OPHN1: variants seen among roughly 807,000 people sequenced by gnomAD.
OPHN1 encodes oligophrenin-1.
A neutral mutation model predicts 60.7 loss-of-function variants in OPHN1; 11 were observed. That is an observed-to-expected ratio of 0.18 (90% CI 0.11 to 0.30). OPHN1 has a LOEUF of 0.30. OPHN1 is among the 10% of genes least tolerant of loss of function. The pLI is 1.00. For synonymous variants in OPHN1, 226 were observed against 222.6 expected (o/e 1.02, Z -0.14); for missense variants, 449 against 611.0 (o/e 0.73, Z 2.80).
chrX:68,386,847 A>G (rs1160730928), intron 2 of OPHN1, among the ~76,000 whole-genome samples: 2 of 112,111 alleles, frequency 1.8e-5, no homozygotes, highest in African/African-American at 6.5e-5. Context: ...GCAGACCTAC[A>G]CAGCCCTTGC....
At chrX:68,339,437 G>GAA (rs2078340346) in intron 2 of OPHN1, among the ~76,000 whole-genome samples, 1 of 110,718 alleles carries the variant, frequency 9.0e-6, no homozygotes, top group Non-Finnish European at 1.9e-5. Flanking sequence ...GAAAAGAAGT[G>GAA]AAAAACATGC....
intron 14 of OPHN1, 116 bp downstream of exon 14, chrX:68,193,774 C>T: frequency 1.6e-6 from 1 of 622,967 alleles, no homozygotes; most frequent in Non-Finnish European, 2.7e-6. Context: ...CTTGCATCTA[C>T]TACACAAGCT....
chrX:68,199,826 C>T (rs781288617), intron 11 of OPHN1, among the ~76,000 whole-genome samples: 13 of 112,687 alleles, frequency 1.2e-4, no homozygotes, highest in African/African-American at 2.9e-4. Context: ...TCTGGGAGGC[C>T]GAGGCAGGTG....
At chrX:68,089,547 A>C (rs1428122937) in intron 19 of OPHN1, among the ~76,000 whole-genome samples, 1 of 111,935 alleles carries the variant, frequency 8.9e-6, no homozygotes, top group Non-Finnish European at 1.9e-5. Context: ...TCTGACACAT[A>C]GCAAGCTGTC....
chrX:68,333,559 C>T (rs975404785), intron 2 of OPHN1, among the ~76,000 whole-genome samples: 18 of 110,725 alleles, frequency 1.6e-4, no homozygotes, highest in Non-Finnish European at 2.8e-4. Context: ...CACTTGAACC[C>T]GGGAGGCGGA....
chrX:68,126,547 C>T (rs1386270641), intron 15 of OPHN1, among the ~76,000 whole-genome samples: 3 of 110,689 alleles, frequency 2.7e-5, no homozygotes, highest in South Asian at 3.9e-4. Flanking sequence ...CAGGTTCAAG[C>T]GATTCTCGTG....
intron 19 of OPHN1, among the ~76,000 whole-genome samples, chrX:68,091,704 G>A (rs1039966397): frequency 9.0e-6 from 1 of 111,174 alleles, no homozygotes; most frequent in Admixed American, 9.6e-5. Flanking sequence ...ACCGCCTTCA[G>A]AGATGACCTC....
chrX:68,363,456 C>T (rs192236911), intron 2 of OPHN1, among the ~76,000 whole-genome samples: 1 of 109,512 alleles, frequency 9.1e-6, no homozygotes, highest in East Asian at 2.9e-4. Context: ...ATTACAGGCA[C>T]GTGCCACCAC....
At chrX:68,328,837 T>C (rs930855981) in intron 2 of OPHN1, among the ~76,000 whole-genome samples, 7 of 112,427 alleles carry the variant, frequency 6.2e-5, no homozygotes, top group Admixed American at 5.7e-4. Context: ...AATTAGTAGT[T>C]AGGAAAACAA....
At chrX:68,391,294 AGT>A (rs2078652456) in intron 2 of OPHN1, among the ~76,000 whole-genome samples, 1 of 111,751 alleles carries the variant, frequency 8.9e-6, no homozygotes. Flanking sequence ...ATAGTGGCTG[AGT>A]CTGGGCAGTT....
chrX:68,222,506 A>G (rs1443620018), intron 6 of OPHN1, among the ~76,000 whole-genome samples: 1 of 101,382 alleles, frequency 9.9e-6, no homozygotes, highest in African/African-American at 3.6e-5. Flanking sequence ...ATTATTCACA[A>G]TAGCAAAGAC....
At chrX:68,221,990 C>T (rs948617169) in intron 6 of OPHN1, among the ~76,000 whole-genome samples, 1 of 108,170 alleles carries the variant, frequency 9.2e-6, no homozygotes, top group Non-Finnish European at 1.9e-5. Context: ...AGCAAACAGG[C>T]AACCTACAAA....
chrX:68,053,894 C>T, intron 21 of OPHN1, 84 bp from the exon 22 acceptor site: 1 of 997,630 alleles, frequency 1.0e-6, no homozygotes. Context: ...ATGAGAGTTA[C>T]CTGGGCCAAC....
rs755620198 is a variant in OPHN1, at chrX:68,073,167, G to T, written c.1819C>A (p.Leu607Met). The T allele has an allele frequency of 8.3e-7, 1 of 1,208,836 alleles. No individual in the cohort carries two copies. Among genetic ancestry groups the T allele is most frequent in the Admixed American group, 2.2e-5 (1 of 45,759 alleles). ...CAGTACTGACCTTCGCTTTCATCCAGGGAAGAAGTATAGAAAACCGTCCTT... is the reference window on the plus strand; with the variant it reads ...CAGTACTGACCTTCGCTTTCATCCATGGAAGAAGTATAGAAAACCGTCCTT... The part of the protein sequence containing the change: ...RERTVFYTSS[L>M]DESEDEIQHQ... The change falls in exon 20 of 25, where the codon CTG becomes ATG. Residue 607 changes from leucine (L) to methionine (M), a missense_variant. This residue lies in a region of OPHN1 where 184 missense variants were observed against 160.5 expected (regional missense o/e 1.15). Coordinates refer to ENST00000355520, the MANE Select transcript of OPHN1 (RefSeq NM_002547.3).
At chrX:68,209,041 C>T (rs991814116) in intron 9 of OPHN1, among the ~76,000 whole-genome samples, 2 of 112,197 alleles carry the variant, frequency 1.8e-5, no homozygotes, top group Non-Finnish European at 3.8e-5. Flanking sequence ...ATTTCACTAC[C>T]GTAGTGTCAT....
chrX:68,231,276 G>C (rs893231318), intron 6 of OPHN1, among the ~76,000 whole-genome samples: 1 of 111,890 alleles, frequency 8.9e-6, no homozygotes, highest in Non-Finnish European at 1.9e-5. Context: ...TGTGATTTCT[G>C]CCATTACTTT....
At chrX:68,213,094 T>C (rs2077591976) in intron 7 of OPHN1, among the ~76,000 whole-genome samples, 1 of 112,260 alleles carries the variant, frequency 8.9e-6, no homozygotes, top group Non-Finnish European at 1.9e-5. Context: ...ACGGGCTGGG[T>C]ATGGTAGCTC....
At position 68,042,524 on chromosome X, in the gene OPHN1, G is replaced by A. The variant is rs1047575870; in HGVS notation, c.*4648C>T. The A allele has an allele frequency of 6.3e-5, 7 of 110,926 alleles. No homozygotes were observed. The highest frequency in any genetic ancestry group is 1.3e-4 in the African/African-American group (4 of 30,424). 9.1% of individuals were successfully genotyped at this position (110,926 alleles called of 1,213,427 possible). Reference sequence around the variant, plus strand: ...AGGAAAATGAAGGCTTTTCTTTATCGAAAACTTATCTTTAAGGTATCTTGT... The same window carrying A: ...AGGAAAATGAAGGCTTTTCTTTATCAAAAACTTATCTTTAAGGTATCTTGT... On this transcript the variant is annotated 3_prime_UTR_variant, in exon 25 of 25. Coordinates refer to ENST00000355520, the MANE Select transcript of OPHN1 (RefSeq NM_002547.3).
intron 6 of OPHN1, among the ~76,000 whole-genome samples, chrX:68,234,091 CAAAAAAAAAAAAA>C (rs33932284): frequency 1.4e-4 from 6 of 44,200 alleles, no homozygotes; most frequent in Non-Finnish European, 1.9e-4. Context: ...AACCCCTCAC[CAAAAAAAAAAAAA>C]AAAAAAAAGG....
Sources: allele counts gnomAD v4.1 joint callset (sites outside exome capture counted in the v4.1 genomes callset), GRCh38; gene constraint gnomAD v4.1.1; regional missense constraint gnomAD v4.1.1; transcripts MANE v1.5; gene names NCBI Gene and HGNC (gene_info 2026-07-23, HGNC 2026-07-21).